The following ANO10 variants were observed in gnomAD, a reference collection of about 807,000 sequenced individuals.
ANO10 encodes anoctamin 10, also known as anoctamin-10.
In ANO10, 77 loss-of-function variants were observed where a neutral mutation model predicts 74.7. That is an observed-to-expected ratio of 1.03 (90% CI 0.86 to 1.25). The LOEUF (loss-of-function observed/expected upper bound fraction) is 1.25, where lower values mean the gene tolerates loss of function less well. Among genes scored for constraint, ANO10 ranks in the 50% most tolerant of loss-of-function variants. ANO10 has a pLI of 0.00. For synonymous variants in ANO10, 279 were observed against 284.9 expected (o/e 0.98, Z 0.21); for missense variants, 721 against 778.1 (o/e 0.93, Z 0.87).
chr3:43,679,179 T>A (rs922260778), intron 1 of ANO10, among the ~76,000 whole-genome samples: 2 of 152,160 alleles, frequency 1.3e-5, no homozygotes, highest in African/African-American at 4.8e-5. Context: ...GTCAGGGAAT[T>A]CCCTTTCCTA....
At chr3:43,405,904 T>C (rs546900446) in intron 12 of ANO10, among the ~76,000 whole-genome samples, 2 of 152,358 alleles carry the variant, frequency 1.3e-5, no homozygotes, top group Non-Finnish European at 2.9e-5. Context: ...CCTACTTCTT[T>C]GAACCTGAAA....
chr3:43,372,180 T>C (rs956005552), intron 12 of ANO10, among the ~76,000 whole-genome samples: 2 of 151,958 alleles, frequency 1.3e-5, no homozygotes, highest in Non-Finnish European at 2.9e-5. Flanking sequence ...GTCATCCCCA[T>C]CTCAGGAAGC....
rs1471629282 is a variant in ANO10, at chr3:43,366,365, G to A, written c.*541C>T. ...CAGAGAGGTTGCCTTTAATAGCTCA[G>A]TTACTATTGTTTATGTTGATAAAGG... is the stretch of plus-strand genomic sequence containing the variant. On this transcript the variant is annotated 3_prime_UTR_variant, in exon 13 of 13. Coordinates refer to ENST00000292246, the MANE Select transcript of ANO10 (RefSeq NM_018075.5). 1 of 186,482 alleles carries A rather than the reference G, an allele frequency of 5.4e-6. No homozygotes were observed. The highest frequency in any genetic ancestry group is 5.3e-5 in the Admixed American group (1 of 18,770). The allele number at this position is 186,482 out of a possible 1,614,324, so 11.6% of individuals were successfully genotyped here. A position where few individuals can be genotyped will look rare whatever the true frequency, so the allele number is the denominator to read the frequency against.
At chr3:43,494,293 C>A (rs1414320404) in intron 11 of ANO10, among the ~76,000 whole-genome samples, 1 of 151,968 alleles carries the variant, frequency 6.6e-6, no homozygotes, top group African/African-American at 2.4e-5. Context: ...GTCTGTACTA[C>A]AAATACAACA....
At chr3:43,555,042 TA>T (rs2079670918) in intron 10 of ANO10, among the ~76,000 whole-genome samples, 1 of 152,174 alleles carries the variant, frequency 6.6e-6, no homozygotes, top group African/African-American at 2.4e-5. Flanking sequence ...GTTTCACATC[TA>T]AAAGGGGTCT....
At chr3:43,633,877 T>C (rs1204485124) in intron 1 of ANO10, among the ~76,000 whole-genome samples, 2 of 148,990 alleles carry the variant, frequency 1.3e-5, no homozygotes, top group Non-Finnish European at 3.0e-5. Flanking sequence ...ACACAATCAA[T>C]AAATTTGCAT....
rs2091701777 is a variant in ANO10, at chr3:43,373,778, G to A, written c.1915-6804C>T. Among the ~76,000 whole-genome samples, 5 of 152,156 alleles carry A rather than the reference G, an allele frequency of 3.3e-5. No individual in the cohort carries two copies. The South Asian group carries it at 1.0e-3, about 32-fold the overall frequency. On this transcript the variant is annotated intron_variant, in intron 12 of 12. Transcript: ENST00000292246. Reference sequence around the variant, plus strand: ...CAGCCACCTCCCAAATCTGGGAGTTGGAATCCTCACATACCAACCAACGCT... The same window carrying A: ...CAGCCACCTCCCAAATCTGGGAGTTAGAATCCTCACATACCAACCAACGCT...
At chr3:43,687,248 G>A (rs1406021418) in intron 1 of ANO10, among the ~76,000 whole-genome samples, 3 of 152,306 alleles carry the variant, frequency 2.0e-5, no homozygotes, top group Non-Finnish European at 4.4e-5. Context: ...GCAACACAGT[G>A]AGACCTGTCT....
At chr3:43,587,788 A>T (rs2081547354) in intron 4 of ANO10, among the ~76,000 whole-genome samples, 1 of 152,144 alleles carries the variant, frequency 6.6e-6, no homozygotes, top group African/African-American at 2.4e-5. Context: ...AATGAGAAAA[A>T]TTTTTTTAAT....
Position 43,432,635 on chromosome 3 carries a change from C to T in ANO10, c.1890G>A (p.Glu630=). Residue 630 remains glutamate (E), a synonymous_variant, in exon 12 of 13, where the codon GAG becomes GAA. Coordinates refer to ENST00000292246, the MANE Select transcript of ANO10 (RefSeq NM_018075.5). ...CCTGCTGCTTGAGTGCCTCCAAAGA[C>T]TCAAATTCCAGTCTGGCTAGTTTCA... The part of the protein sequence containing the change: ...IQMKLARLEF[E]SLEALKQQQM... 6.2e-7 allele frequency: 1 copy of T among 1,613,712 alleles called. No individual in the cohort carries two copies. Among genetic ancestry groups the T allele is most frequent in the Non-Finnish European group, 8.5e-7 (1 of 1,179,678 alleles).
intron 11 of ANO10, among the ~76,000 whole-genome samples, chr3:43,544,324 ATTTC>A (rs1196113256): frequency 9.2e-5 from 14 of 152,108 alleles, no homozygotes; most frequent in African/African-American, 2.9e-4. Flanking sequence ...GTCTACAAAA[ATTTC>A]TTTATTTTGC....
chr3:43,531,136 T>G (rs535422812), intron 11 of ANO10, among the ~76,000 whole-genome samples: 2 of 152,354 alleles, frequency 1.3e-5, no homozygotes, highest in South Asian at 4.1e-4. Context: ...AGCAGAAGTA[T>G]TCTAACTTTC....
intron 1 of ANO10, among the ~76,000 whole-genome samples, chr3:43,618,465 T>C (rs993918079): frequency 3.3e-5 from 5 of 152,230 alleles, no homozygotes; most frequent in South Asian, 2.1e-4. Flanking sequence ...TTGGCTAGAA[T>C]AATGTCAGAA....
chr3:43,532,007 G>A (rs1417133299), intron 11 of ANO10, among the ~76,000 whole-genome samples: 6 of 151,958 alleles, frequency 3.9e-5, no homozygotes, highest in African/African-American at 1.2e-4. Flanking sequence ...CAGTCACCCC[G>A]TCCACATTGC....
chr3:43,453,095 CA>C (rs2074951201), intron 11 of ANO10, among the ~76,000 whole-genome samples: 1 of 151,924 alleles, frequency 6.6e-6, no homozygotes, highest in South Asian at 2.1e-4. Context: ...ATGTGATTTG[CA>C]AATATCTGCA....
chr3:43,498,667 T>C (rs930453785), intron 11 of ANO10, among the ~76,000 whole-genome samples: 1 of 152,212 alleles, frequency 6.6e-6, no homozygotes, highest in African/African-American at 2.4e-5. Context: ...CAGCTTACTA[T>C]AGCTGAGATT....
At chr3:43,496,701 A>G (rs1032130452) in intron 11 of ANO10, among the ~76,000 whole-genome samples, 2 of 152,052 alleles carry the variant, frequency 1.3e-5, no homozygotes, top group African/African-American at 4.8e-5. Flanking sequence ...TACTTTTTGC[A>G]TGGTACTTAC....
chr3:43,670,886 T>C (rs561276889), intron 1 of ANO10, among the ~76,000 whole-genome samples: 6 of 152,294 alleles, frequency 3.9e-5, no homozygotes, highest in African/African-American at 1.4e-4. Context: ...GGAGTGTGCC[T>C]AAGCAAAGCA....
In ANO10 at chr3:43,605,530, C is replaced by T. The variant is rs140357040; in HGVS notation, c.139+184G>A. Among the ~76,000 whole-genome samples the T allele has an allele frequency of 7.6e-4, 115 of 152,236 alleles. 1 individual carries two copies. Among genetic ancestry groups the T allele is most frequent in the African/African-American group, 2.7e-3 (111 of 41,546 alleles). Reference sequence around the variant, plus strand: ...TTAAAGCCTCCTGTTGATTTAGGACCTCCTTTCAAGTCCCAGATAGATAAT... The same window carrying T: ...TTAAAGCCTCCTGTTGATTTAGGACTTCCTTTCAAGTCCCAGATAGATAAT... On this transcript the variant is annotated intron_variant, in intron 2 of 12. Coordinates refer to ENST00000292246, the MANE Select transcript of ANO10 (RefSeq NM_018075.5).
Sources: allele counts gnomAD v4.1 joint callset (sites outside exome capture counted in the v4.1 genomes callset), GRCh38; gene constraint gnomAD v4.1.1; transcripts MANE v1.5; gene names NCBI Gene and HGNC (gene_info 2026-07-23, HGNC 2026-07-21).